Variants in TRPM3 observed in about 807,000 individuals in gnomAD.
The protein encoded by TRPM3 is transient receptor potential cation channel subfamily M member 3.
Under a neutral mutation model 181.2 loss-of-function variants are expected in TRPM3, and 77 were observed. The ratio of observed to expected loss-of-function variants is 0.42; its 90% CI spans 0.35 to 0.51. TRPM3 has a LOEUF of 0.51. Ranked by LOEUF, TRPM3 falls within the 20% of genes least tolerant of loss-of-function variation. The probability of loss-of-function intolerance (pLI) is 0.01; values close to 1 mark genes in which losing one functional copy is unlikely to be tolerated. For missense variants in TRPM3, 1,759 were observed against 2,196.7 expected (o/e 0.80, Z 3.98); for synonymous variants, 745 against 796.4 (o/e 0.94, Z 1.09).
intron 1 of TRPM3, among the ~76,000 whole-genome samples, chr9:71,014,588 A>G (rs2097769732): frequency 6.6e-6 from 1 of 152,086 alleles, no homozygotes; most frequent in Non-Finnish European, 1.5e-5. Context: ...CGTGGCCTTT[A>G]GCATTATAAA....
chr9:70,601,314 G>A (rs1256294911), intron 20 of TRPM3, among the ~76,000 whole-genome samples: 1 of 152,094 alleles, frequency 6.6e-6, no homozygotes, highest in African/African-American at 2.4e-5. Flanking sequence ...TGGTGACTCC[G>A]GGCAGAAGTA....
chr9:70,677,670 T>A (rs1167834942), intron 9 of TRPM3, among the ~76,000 whole-genome samples: 2 of 152,250 alleles, frequency 1.3e-5, no homozygotes, highest in African/African-American at 4.8e-5. Flanking sequence ...AGCCTAAGCA[T>A]AAAAATGAAA....
intron 19 of TRPM3, among the ~76,000 whole-genome samples, chr9:70,605,761 T>C (rs1183761034): frequency 6.6e-6 from 1 of 152,230 alleles, no homozygotes; most frequent in Non-Finnish European, 1.5e-5. Context: ...CTCTCCTTGT[T>C]GCTTCCTTCT....
chr9:71,054,701 T>C (rs1451632643), intron 1 of TRPM3, among the ~76,000 whole-genome samples: 1 of 152,102 alleles, frequency 6.6e-6, no homozygotes, highest in African/African-American at 2.4e-5. Context: ...CAAAGGAGCT[T>C]GCAATTTCAC....
intron 1 of TRPM3, among the ~76,000 whole-genome samples, chr9:71,331,518 CATTAT>C (rs1203546633): frequency 1.3e-5 from 2 of 151,814 alleles, no homozygotes; most frequent in Admixed American, 6.6e-5. Context: ...CTATATTCTA[CATTAT>C]ATTATAATCT....
intron 1 of TRPM3, among the ~76,000 whole-genome samples, chr9:71,177,075 T>A (rs1039699690): frequency 7.9e-5 from 12 of 152,190 alleles, no homozygotes; most frequent in African/African-American, 2.9e-4. Context: ...CACATTAGCA[T>A]TGGCATTAAA....
intron 8 of TRPM3, among the ~76,000 whole-genome samples, chr9:70,756,070 T>G (rs1287914397): frequency 6.6e-6 from 1 of 151,896 alleles, no homozygotes; most frequent in Non-Finnish European, 1.5e-5. Flanking sequence ...CTATCTCACA[T>G]GCAAAGACAC....
chr9:71,061,041 G>A (rs1042363826), intron 1 of TRPM3, among the ~76,000 whole-genome samples: 7 of 152,054 alleles, frequency 4.6e-5, no homozygotes, highest in Non-Finnish European at 8.8e-5. Flanking sequence ...AGAGGGTCAG[G>A]GAAGATATTT....
intron 9 of TRPM3, among the ~76,000 whole-genome samples, chr9:70,653,721 T>A (rs2059911188): frequency 6.6e-6 from 1 of 151,552 alleles, no homozygotes; most frequent in Admixed American, 6.6e-5. Flanking sequence ...AAATGTTCTT[T>A]CATTTACTTT....
At chr9:71,100,839 A>G (rs35630891) in intron 1 of TRPM3, among the ~76,000 whole-genome samples, 9,813 of 152,228 alleles carry the variant, frequency 0.064, 487 homozygotes, top group African/African-American at 0.13. Flanking sequence ...AATAAATAGT[A>G]GCTGTTATTA....
chr9:70,539,536 A>G (rs933088869), intron 25 of TRPM3, among the ~76,000 whole-genome samples: 21 of 149,422 alleles, frequency 1.4e-4, no homozygotes, highest in African/African-American at 5.2e-4. Flanking sequence ...CTCAGGGGCC[A>G]GGCACACTCT....
intron 1 of TRPM3, among the ~76,000 whole-genome samples, chr9:71,404,490 T>C (rs975534045): frequency 7.2e-5 from 11 of 152,332 alleles, no homozygotes; most frequent in Middle Eastern, 3.4e-3. Context: ...TTCTTTCAAA[T>C]CTGCCTTATA....
In TRPM3 at chr9:71,119,041, A is replaced by T. The variant is rs535246827; in HGVS notation, c.177+2137T>A. Among the ~76,000 whole-genome samples, 4 of 152,280 alleles carry T rather than the reference A, an allele frequency of 2.6e-5. No individual in the cohort carries two copies. The East Asian group carries it at 7.7e-4, about 29-fold the overall frequency. ...ACAACAATCCATAGGAAAAAAATAC[A>T]TAGCATTCACAGCCAGAGAGTGGAC... On this transcript the variant is annotated intron_variant, in intron 1 of 25. Transcript: ENST00000677713.
chr9:70,907,863 C>T (rs926584722), intron 1 of TRPM3, among the ~76,000 whole-genome samples: 3 of 152,156 alleles, frequency 2.0e-5, no homozygotes, highest in Admixed American at 6.6e-5. Context: ...GCTGCATCTA[C>T]GCTGCTGCAA....
chr9:71,183,460 C>A (rs931746211), intron 1 of TRPM3, among the ~76,000 whole-genome samples: 1 of 152,106 alleles, frequency 6.6e-6, no homozygotes, highest in African/African-American at 2.4e-5. Context: ...TTTTTCATTT[C>A]CTGTGTTATT....
At chr9:70,942,938 T>C (rs2096899588) in intron 1 of TRPM3, among the ~76,000 whole-genome samples, 1 of 152,138 alleles carries the variant, frequency 6.6e-6, no homozygotes, top group African/African-American at 2.4e-5. Flanking sequence ...GGATTAAAGA[T>C]AAACTAATGC....
intron 1 of TRPM3, among the ~76,000 whole-genome samples, chr9:70,871,218 T>A (rs184290522): frequency 2.2e-4 from 33 of 152,046 alleles, no homozygotes; most frequent in Admixed American, 5.2e-4. Context: ...CTGTAGTGGG[T>A]CTGTGAGACT....
chr9:70,538,048 C>A (rs1235029513), intron 25 of TRPM3, among the ~76,000 whole-genome samples: 1 of 152,178 alleles, frequency 6.6e-6, no homozygotes, highest in African/African-American at 2.4e-5. Flanking sequence ...GTTACTGAGG[C>A]ATCCAGGATT....
chr9:70,911,196 A>G (rs1287660784), intron 1 of TRPM3, among the ~76,000 whole-genome samples: 1 of 152,242 alleles, frequency 6.6e-6, no homozygotes, highest in Non-Finnish European at 1.5e-5. Flanking sequence ...TCTAAAGATC[A>G]AAATCATAGA....
Sources: gnomAD v4.1 joint callset for allele counts (sites outside exome capture counted in the v4.1 genomes callset) on GRCh38, gnomAD v4.1.1 for gene constraint, MANE v1.5 for transcripts, NCBI Gene and HGNC (gene_info 2026-07-23, HGNC 2026-07-21) for gene names.